Variants in MEF2D observed in about 807,000 individuals in gnomAD.
The protein encoded by MEF2D is myocyte-specific enhancer factor 2D.
MEF2D carries 10 observed loss-of-function variants against 59.3 expected under a neutral mutation model. The ratio of observed to expected loss-of-function variants is 0.17; its 90% CI spans 0.10 to 0.29. MEF2D has a LOEUF of 0.29. Among genes scored for constraint, MEF2D ranks in the 10% least tolerant of loss-of-function variants. MEF2D has a pLI of 1.00. For synonymous variants in MEF2D, 305 were observed against 295.0 expected (o/e 1.03, Z -0.35); for missense variants, 508 against 699.4 (o/e 0.73, Z 3.09).
chr1:156,494,890 C>T (rs1005431007), intron 1 of MEF2D, among the ~76,000 whole-genome samples: 3 of 152,144 alleles, frequency 2.0e-5, no homozygotes, highest in Non-Finnish European at 4.4e-5. Flanking sequence ...CTCCCTCCAC[C>T]GGGGAGTTCT....
chr1:156,491,756 G>T (rs1672812449), intron 1 of MEF2D, among the ~76,000 whole-genome samples: 1 of 152,164 alleles, frequency 6.6e-6, no homozygotes, highest in Non-Finnish European at 1.5e-5. Context: ...ATCCCAGCAG[G>T]CCGAGCTGCA....
intron 1 of MEF2D, among the ~76,000 whole-genome samples, chr1:156,493,269 G>C (rs894754183): frequency 5.3e-5 from 8 of 152,288 alleles, no homozygotes; most frequent in Non-Finnish European, 1.0e-4. Context: ...GTTCACCTAC[G>C]ATGATGACAG....
At chr1:156,480,716 G>T in intron 4 of MEF2D, 118 bp downstream of exon 4, 1 of 1,610,508 alleles carries the variant, frequency 6.2e-7, no homozygotes, top group African/African-American at 1.3e-5. Flanking sequence ...CGTCTGGGGG[G>T]TCAGGGCAAA....
At position 156,468,419 on chromosome 1, in the gene MEF2D, A is replaced by G; in HGVS notation, c.1248-120T>C. 1 of 733,794 alleles carries G rather than the reference A, an allele frequency of 1.4e-6. No individual in the cohort carries two copies. The highest frequency in any genetic ancestry group is 4.0e-4 in the Middle Eastern group (1 of 2,524). The allele number at this position is 733,794 out of a possible 1,614,324, so 45.5% of individuals were successfully genotyped here. On this transcript the variant is annotated intron_variant, in intron 10 of 11. Coordinates refer to ENST00000348159, the MANE Select transcript of MEF2D (RefSeq NM_005920.4). This position sits in a 1 kb window ranked among gnomAD's most constrained non-coding sequence, Gnocchi z 4.3. ...GAACAAGAGGATGAGAATATGGGGG[A>G]TGGGGTGTTGGGGAGAGGCAATTGG...
chr1:156,497,732 G>C (rs1027422874), intron 1 of MEF2D, among the ~76,000 whole-genome samples: 4 of 152,132 alleles, frequency 2.6e-5, no homozygotes, highest in African/African-American at 7.2e-5. Context: ...TCAGGTGTGT[G>C]GCAAAGTGTC....
chr1:156,490,188 C>G (rs1338105811), intron 1 of MEF2D, among the ~76,000 whole-genome samples: 1 of 152,144 alleles, frequency 6.6e-6, no homozygotes, highest in African/African-American at 2.4e-5. Context: ...CTCACAACCC[C>G]TCCTGCGAGG....
At chr1:156,500,256 C>T (rs1288837918) in intron 1 of MEF2D, among the ~76,000 whole-genome samples, 2 of 152,116 alleles carry the variant, frequency 1.3e-5, no homozygotes, top group Non-Finnish European at 2.9e-5. Context: ...GGAATTGCAG[C>T]CCACTCCACT....
intron 6 of MEF2D, among the ~76,000 whole-genome samples, chr1:156,478,926 CGTGA>C (rs1557883992): frequency 6.6e-6 from 1 of 152,168 alleles, no homozygotes; most frequent in African/African-American, 2.4e-5. Flanking sequence ...TGAGTGCCTG[CGTGA>C]GTGTCTATGT....
Position 156,477,249 on chromosome 1 carries a change from C to T in MEF2D, c.665-47G>A, listed in dbSNP as rs1671678304. 10 of 1,506,056 alleles carry T rather than the reference C, an allele frequency of 6.6e-6. 1 individual carries two copies. In the South Asian group the frequency reaches 1.2e-4, roughly 17 times the overall value. 93.3% of individuals were successfully genotyped at this position (1,506,056 alleles called of 1,614,324 possible). The stretch of plus-strand genomic sequence containing the variant: ...GGTAAAAGGAAAAACATGGGCCTAT[C>T]CTTCAGCCCTATTAACTTCCCCACA... On this transcript the variant is annotated intron_variant, in intron 6 of 11. Transcript: ENST00000348159.
chr1:156,482,446 G>A lies in MEF2D; in HGVS notation c.249C>T (p.Asp83=). 6.2e-7 allele frequency: 1 copy of A among 1,614,048 alleles called. No individual in the cohort carries two copies. Among genetic ancestry groups the A allele is most frequent in the South Asian group, 1.1e-5 (1 of 91,076 alleles). ...GTGTGTATGGGCCCACCTCGATGAT[G>A]TCGGCGTTGGTGCGGCTCTCGTGTG... ...NEPHESRTNA[D]IIETLRKKGF... Residue 83 remains aspartate, a synonymous_variant, in exon 3 of 12, where the codon GAC becomes GAT. Coordinates refer to ENST00000348159, the MANE Select transcript of MEF2D (RefSeq NM_005920.4).
intron 1 of MEF2D, among the ~76,000 whole-genome samples, chr1:156,485,211 C>T (rs1330235322): frequency 3.3e-5 from 5 of 152,162 alleles, no homozygotes; most frequent in Non-Finnish European, 7.3e-5. Context: ...ACAACTCTTA[C>T]CCCTACCCCC....
chr1:156,493,894 C>A (rs536321348), intron 1 of MEF2D, among the ~76,000 whole-genome samples: 1 of 152,214 alleles, frequency 6.6e-6, no homozygotes, highest in South Asian at 2.1e-4. Flanking sequence ...CTCCCCACCC[C>A]CAGGCTGACA....
chr1:156,499,487 G>A (rs1253034995), intron 1 of MEF2D: 1 of 152,134 alleles, frequency 6.6e-6, no homozygotes, highest in East Asian at 1.9e-4. Flanking sequence ...AGGAGTCCTC[G>A]GAAGGCTGCT....
chr1:156,468,120 C>T lies in MEF2D; in HGVS notation c.1427G>A (p.Gly476Glu). 4 of 1,614,020 alleles carry T rather than the reference C, an allele frequency of 2.5e-6. No homozygotes were observed. The highest frequency in any genetic ancestry group is 1.1e-5 in the South Asian group (1 of 91,078). Reference protein sequence around the residue: ...PGDGLSSPAGGSYETGDRDDG... With the variant: ...PGDGLSSPAGESYETGDRDDG... ...ATCCCGGTCTCCCGTCTCATAGGAT[C>T]CCCCGGCTGGGCTGCTGAGACCATC... Residue 476 changes from glycine (G) to glutamate (E), a missense_variant, in exon 11 of 12, where the codon GGA (glycine) becomes GAA (glutamate). By Grantham distance (98) the Gly-to-Glu change is moderately conservative. Coordinates refer to ENST00000348159, the MANE Select transcript of MEF2D (RefSeq NM_005920.4). The surrounding 1 kb of genome is among the most constrained non-coding windows in gnomAD (Gnocchi z 4.3).
rs756459117 is a variant in MEF2D at position 156,479,333 on chromosome 1, C to G, written c.621G>C (p.Gly207=). The change falls in exon 6 of 12, where the codon GGG becomes GGC. Residue 207 remains glycine, a synonymous_variant. Coordinates refer to ENST00000348159, the MANE Select transcript of MEF2D (RefSeq NM_005920.4). Reference sequence around the variant, plus strand: ...CTCCGTTAGCACTGTTCAGGTCACCCCCCAGCATGGCCCCTGGAGGAAAAA... The same window carrying G: ...CTCCGTTAGCACTGTTCAGGTCACCGCCCAGCATGGCCCCTGGAGGAAAAA... ...QRPASAGAML[G]GDLNSANGAC... 1 of 1,612,478 alleles carries G rather than the reference C, an allele frequency of 6.2e-7. No homozygotes were observed. The highest frequency in any genetic ancestry group is 8.5e-7 in the Non-Finnish European group (1 of 1,179,440).
rs1011918610 is a variant in MEF2D at position 156,468,359 on chromosome 1, A to C, written c.1248-60T>G. On this transcript the variant is annotated intron_variant, in intron 10 of 11. Transcript: ENST00000348159. The surrounding 1 kb of genome is among the most constrained non-coding windows in gnomAD (Gnocchi z 4.3). ...TAAAAACAGAGGGGGTGAGTGACAG[A>C]ACAAGTGATAGGACACCAGACAGAA... The C allele has an allele frequency of 3.2e-6, 4 of 1,239,090 alleles. No individual in the cohort carries two copies. In the Admixed American group the frequency reaches 9.5e-5, roughly 29 times the overall value. 76.8% of individuals were successfully genotyped at this position (1,239,090 alleles called of 1,614,324 possible). A position where few individuals can be genotyped will look rare whatever the true frequency, so the allele number is the denominator to read the frequency against.
rs115925999 is a variant in MEF2D, at chr1:156,478,371, C to T, written c.664+919G>A. Among the ~76,000 whole-genome samples, 320 of 152,234 alleles carry T rather than the reference C, an allele frequency of 2.1e-3. 1 individual carries two copies. Among genetic ancestry groups the T allele is most frequent in the Non-Finnish European group, 3.7e-3 (250 of 68,014 alleles). ...ATGCTGTTGCCCTGGAAGTGTGTGCCTGCCTCCATCCCAATTCCCGGACCA... is the reference window on the plus strand; with the variant it reads ...ATGCTGTTGCCCTGGAAGTGTGTGCTTGCCTCCATCCCAATTCCCGGACCA... On this transcript the variant is annotated intron_variant, in intron 6 of 11. Transcript: ENST00000348159.
intron 6 of MEF2D, 106 bp downstream of exon 6, chr1:156,479,184 G>T: frequency 1.1e-6 from 1 of 921,468 alleles, no homozygotes; most frequent in Non-Finnish European, 1.6e-6. Context: ...CCTGGCCCTG[G>T]GATCTTCCTC....
intron 4 of MEF2D, 121 bp downstream of exon 4, chr1:156,480,713 G>A: frequency 6.2e-7 from 1 of 1,610,280 alleles, no homozygotes; most frequent in African/African-American, 1.3e-5. Flanking sequence ...TTCCGTCTGG[G>A]GGGTCAGGGC....
Sources: allele counts gnomAD v4.1 joint callset (sites outside exome capture counted in the v4.1 genomes callset), GRCh38; gene constraint gnomAD v4.1.1; non-coding constraint Gnocchi (gnomAD v3.1); transcripts MANE v1.5; gene names NCBI Gene and HGNC (gene_info 2026-07-23, HGNC 2026-07-21).